The following C6 variants were observed in gnomAD, a reference collection of about 807,000 sequenced individuals.
C6 encodes the protein complement component C6.
In C6, 101 loss-of-function variants were observed where a neutral mutation model predicts 112.9. The ratio of observed to expected loss-of-function variants is 0.89; its 90% CI spans 0.76 to 1.06. The LOEUF (loss-of-function observed/expected upper bound fraction) is 1.06. C6 is among the 50% of genes least tolerant of loss of function. The probability of loss-of-function intolerance (pLI) is 0.00; values close to 1 mark genes in which losing one functional copy is unlikely to be tolerated. For synonymous variants in C6, 431 were observed against 384.1 expected, an observed-to-expected ratio of 1.12 and a Z score of -1.43; for missense variants, 1,202 against 1,104.6, an observed-to-expected ratio of 1.09 and a Z score of -1.25.
chr5:41,252,203 G>T (rs1218086756), intron 1 of C6, among the ~76,000 whole-genome samples: 2 of 152,200 alleles, frequency 1.3e-5, no homozygotes, highest in African/African-American at 4.8e-5. Context: ...CATGAGCATT[G>T]TGTATTCAAA....
At chr5:41,232,715 C>T (rs1033018941) in intron 1 of C6, among the ~76,000 whole-genome samples, 14 of 151,956 alleles carry the variant, frequency 9.2e-5, no homozygotes, top group South Asian at 4.1e-4. Context: ...TTGATTAATT[C>T]CTGATTATTT....
At chr5:41,242,252 C>T (rs1352132865) in intron 1 of C6, among the ~76,000 whole-genome samples, 1 of 152,064 alleles carries the variant, frequency 6.6e-6, no homozygotes, top group Non-Finnish European at 1.5e-5. Context: ...CGGTTTCCCC[C>T]ATCGTGTTCT....
intron 1 of C6, 123 bp from the exon 2 acceptor site, chr5:41,203,373 A>G (rs1751185217): frequency 1.1e-6 from 1 of 940,814 alleles, no homozygotes; most frequent in African/African-American, 1.6e-5. Flanking sequence ...GCCTTCCTTA[A>G]GGCAAGTCAA....
intron 7 of C6, among the ~76,000 whole-genome samples, chr5:41,177,427 A>T (rs1349149681): frequency 6.6e-6 from 1 of 152,154 alleles, no homozygotes; most frequent in East Asian, 1.9e-4. Flanking sequence ...ATTATGCTTA[A>T]AATCTCATTT....
chr5:41,202,571 C>T (rs1751110711), intron 2 of C6, among the ~76,000 whole-genome samples: 1 of 152,116 alleles, frequency 6.6e-6, no homozygotes. Flanking sequence ...GGTACAGAAA[C>T]ATTTAACAGA....
At position 41,142,627 on chromosome 5, in the gene C6, G is replaced by C. The variant is rs767113481; in HGVS notation, c.*198C>G. On this transcript the variant is annotated 3_prime_UTR_variant, in exon 18 of 18. Transcript: ENST00000337836. The stretch of plus-strand genomic sequence containing the variant: ...GGTACCTAGGGGTATGCTACAGGGC[G>C]TCATGAGCTGGAACTGAATAAGACA... 1.8e-5 allele frequency: 11 copies of C among 607,140 alleles called. No individual in the cohort carries two copies. The South Asian group carries it at 2.1e-4, about 11-fold the overall frequency. The allele number at this position is 607,140 out of a possible 1,614,324, so 37.6% of individuals were successfully genotyped here.
intron 14 of C6, among the ~76,000 whole-genome samples, 154 bp downstream of exon 14, chr5:41,154,818 G>C (rs1236547164): frequency 6.6e-6 from 1 of 152,156 alleles, no homozygotes; most frequent in Non-Finnish European, 1.5e-5. Context: ...TAGCAAATGA[G>C]CCCTTCTATT....
At chr5:41,245,415 C>T (rs1034022240) in intron 1 of C6, among the ~76,000 whole-genome samples, 2 of 151,862 alleles carry the variant, frequency 1.3e-5, no homozygotes, top group East Asian at 1.9e-4. Context: ...CCAGCTACTT[C>T]GGAGGCTGAG....
At chr5:41,253,393 G>A (rs558611395) in intron 1 of C6, among the ~76,000 whole-genome samples, 1 of 152,196 alleles carries the variant, frequency 6.6e-6, no homozygotes, top group African/African-American at 2.4e-5. Context: ...ATCTCTCTCT[G>A]TGTAGCTCTC....
rs115982097 is a variant in C6, at chr5:41,192,511, C to T, written c.587+3281G>A. On this transcript the variant is annotated intron_variant, in intron 5 of 17. Coordinates refer to ENST00000337836, the MANE Select transcript of C6 (RefSeq NM_000065.5). ...AGCAGTGAAGCCATCCAGTCCTGGGCTTTTCTTTTTTGGGAGACTTTTTGT... is the reference window on the plus strand; with the variant it reads ...AGCAGTGAAGCCATCCAGTCCTGGGTTTTTCTTTTTTGGGAGACTTTTTGT... Among the ~76,000 whole-genome samples the T allele has an allele frequency of 9.0e-3, 1,376 of 152,156 alleles. 29 individuals carry two copies. Among genetic ancestry groups the T allele is most frequent in the African/African-American group, 0.03 (1,263 of 41,518 alleles).
chr5:41,218,017 C>T (rs897136240), upstream of C6, among the ~76,000 whole-genome samples: 34 of 152,042 alleles, frequency 2.2e-4, no homozygotes, highest in Admixed American at 5.9e-4. Flanking sequence ...TTCAAAGTGC[C>T]ATAGGAGGAA....
Position 41,153,860 on chromosome 5 carries a change from T to C in C6, c.2240A>G (p.Gln747Arg). The C allele has an allele frequency of 6.2e-7, 1 of 1,613,714 alleles. No individual in the cohort carries two copies. The highest frequency in any genetic ancestry group is 8.5e-7 in the Non-Finnish European group (1 of 1,179,808). Residue 747 changes from glutamine (Q) to arginine (R), a missense_variant, in exon 15 of 18, where the codon CAG becomes CGG. Coordinates refer to ENST00000337836, the MANE Select transcript of C6 (RefSeq NM_000065.5). Reference protein sequence around the residue: ...VVAGPSRYTCQGNSWTPPISN... With the variant: ...VVAGPSRYTCRGNSWTPPISN... ...AATGGGTGGTGTCCAGGAATTCCCCTGGCATGTGTACCTTGATGGCCCAGC... is the reference window on the plus strand; with the variant it reads ...AATGGGTGGTGTCCAGGAATTCCCCCGGCATGTGTACCTTGATGGCCCAGC...
At chr5:41,244,246 T>C (rs1740895194) in intron 1 of C6, among the ~76,000 whole-genome samples, 1 of 152,262 alleles carries the variant, frequency 6.6e-6, no homozygotes, top group Non-Finnish European at 1.5e-5. Context: ...TTATTACGTT[T>C]TCTTTCTTTT....
intron 7 of C6, 22 bp downstream of exon 7, chr5:41,181,337 G>T (rs768543593): frequency 3.7e-6 from 6 of 1,603,358 alleles, no homozygotes; most frequent in Non-Finnish European, 5.1e-6. Context: ...AAGAATAAAA[G>T]GTTGGAAACC....
At chr5:41,186,313 G>T (rs1749767111) in intron 5 of C6, 105 bp from the exon 6 acceptor site, 2 of 1,271,592 alleles carry the variant, frequency 1.6e-6, no homozygotes, top group South Asian at 1.3e-5. Flanking sequence ...TTTGCCTCAA[G>T]ACAAATGACT....
chr5:41,183,827 A>C (rs1299308381), intron 6 of C6, among the ~76,000 whole-genome samples: 1 of 152,220 alleles, frequency 6.6e-6, no homozygotes, highest in Admixed American at 6.5e-5. Context: ...TGTCCTTTGC[A>C]GCAACATGGA....
rs143037903 is a variant in C6 at position 41,226,593 on chromosome 5, C to A, written c.-20-23343G>T. 3.6e-3 allele frequency among the ~76,000 whole-genome samples: 554 copies of A among 152,246 alleles called. 3 individuals carry two copies. The highest frequency in any genetic ancestry group is 0.013 in the African/African-American group (537 of 41,564). On this transcript the variant is annotated intron_variant, in intron 1 of 17. Transcript: ENST00000263413. ...CTGAAATTTTATGTCTCATGAACAA[C>A]ATCTCCCCCATTCCTATCACCTCCC...
intron 5 of C6, among the ~76,000 whole-genome samples, chr5:41,194,004 G>C (rs1750420559): frequency 6.6e-6 from 1 of 152,146 alleles, no homozygotes; most frequent in East Asian, 1.9e-4. Context: ...CTGGTTGGCA[G>C]AGGGCCACGT....
In C6 at chr5:41,195,810, A is replaced by G. The variant is rs2150354451; in HGVS notation, c.569T>C (p.Val190Ala). ...CTRKYNPIPSVQLMGNGFHFL... is the reference protein window; with the variant it reads ...CTRKYNPIPSAQLMGNGFHFL... ...TACATACCCATTGCCCATCAACTGT[A>G]CACTAGGGATGGGATTATACTTCCG... Residue 190 changes from valine to alanine, a missense_variant, in exon 5 of 18, where the codon GTA becomes GCA. Coordinates refer to ENST00000337836, the MANE Select transcript of C6 (RefSeq NM_000065.5). 4 of 1,613,822 alleles carry G rather than the reference A, an allele frequency of 2.5e-6. No homozygotes were observed. The highest frequency in any genetic ancestry group is 2.2e-5 in the East Asian group (1 of 44,872).
Sources: gnomAD v4.1 joint callset for allele counts (sites outside exome capture counted in the v4.1 genomes callset) on GRCh38, gnomAD v4.1.1 for gene constraint, MANE v1.5 for transcripts, NCBI Gene and HGNC (gene_info 2026-07-23, HGNC 2026-07-21) for gene names.